The following CADPS variants were observed in gnomAD, a reference collection of about 807,000 sequenced individuals.
CADPS encodes the protein calcium dependent secretion activator, also known as calcium-dependent secretion activator 1.
In CADPS, 57 loss-of-function variants were observed where a neutral mutation model predicts 167.3. That is an observed-to-expected ratio of 0.34 (90% CI 0.28 to 0.42). The LOEUF (loss-of-function observed/expected upper bound fraction) is 0.42, where lower values mean the gene tolerates loss of function less well. Ranked by LOEUF, CADPS falls within the 20% of genes least tolerant of loss-of-function variation. The probability of loss-of-function intolerance (pLI) is 1.00; values close to 1 mark genes in which losing one functional copy is unlikely to be tolerated. For missense variants in CADPS, 1,414 were observed against 1,738.1 expected, an observed-to-expected ratio of 0.81 and a Z score of 3.32; for synonymous variants, 676 against 635.3, an observed-to-expected ratio of 1.06 and a Z score of -0.96.
intron 2 of CADPS, among the ~76,000 whole-genome samples, chr3:62,758,348 G>A (rs1426239301): frequency 2.0e-5 from 3 of 152,152 alleles, no homozygotes; most frequent in Admixed American, 6.6e-5. Flanking sequence ...AGAACATGGA[G>A]GAAAGAGGCC....
At chr3:62,472,816 A>C (rs1349448060) in intron 24 of CADPS, among the ~76,000 whole-genome samples, 1 of 152,236 alleles carries the variant, frequency 6.6e-6, no homozygotes, top group Non-Finnish European at 1.5e-5. Flanking sequence ...GTTTCTGAAC[A>C]CCGAACCCAG....
chr3:62,432,642 C>T (rs1341425129), intron 28 of CADPS, among the ~76,000 whole-genome samples: 1 of 152,172 alleles, frequency 6.6e-6, no homozygotes, highest in Non-Finnish European at 1.5e-5. Context: ...GTGGCTAACA[C>T]TTACCAATGC....
At chr3:62,646,360 C>G (rs1182245781) in intron 5 of CADPS, among the ~76,000 whole-genome samples, 2 of 151,418 alleles carry the variant, frequency 1.3e-5, no homozygotes, top group Non-Finnish European at 2.9e-5. Flanking sequence ...TTAGTAGAGA[C>G]AGAGTTTTAT....
chr3:62,840,287 AC>A (rs1279249690), intron 1 of CADPS, among the ~76,000 whole-genome samples: 2 of 152,208 alleles, frequency 1.3e-5, no homozygotes, highest in East Asian at 3.8e-4. Context: ...ATGAAACATC[AC>A]ATTCTTTCTG....
chr3:62,832,485 A>C (rs967574282), intron 1 of CADPS, among the ~76,000 whole-genome samples: 1 of 152,222 alleles, frequency 6.6e-6, no homozygotes, highest in East Asian at 1.9e-4. Flanking sequence ...CCACTGCATT[A>C]GACAGCATAA....
At chr3:62,748,344 CAAAAAAAAAAAA>C (rs60942307) in intron 3 of CADPS, among the ~76,000 whole-genome samples, 41 of 48,496 alleles carry the variant, frequency 8.5e-4, no homozygotes, top group Admixed American at 5.0e-3. Flanking sequence ...GACTCCGTCT[CAAAAAAAAAAAA>C]AAAAAAAAAA....
At chr3:62,407,135 A>ACATCATCATCAT (rs79885636) in intron 28 of CADPS, among the ~76,000 whole-genome samples, 134 of 151,226 alleles carry the variant, frequency 8.9e-4, no homozygotes, top group Non-Finnish European at 1.5e-3. Context: ...ACTGCAATCA[A>ACATCATCATCAT]CATCATCATC....
At chr3:62,664,773 C>T (rs1325712199) in intron 3 of CADPS, among the ~76,000 whole-genome samples, 1 of 152,138 alleles carries the variant, frequency 6.6e-6, no homozygotes, top group Non-Finnish European at 1.5e-5. Flanking sequence ...AAATACAGCC[C>T]AACAGAACCA....
intron 6 of CADPS, among the ~76,000 whole-genome samples, chr3:62,643,187 G>A (rs997777521): frequency 6.6e-6 from 1 of 152,148 alleles, no homozygotes; most frequent in Non-Finnish European, 1.5e-5. Context: ...ATCCCTTTGG[G>A]ATACTATAGA....
chr3:62,586,509 GA>G (rs959314062), intron 7 of CADPS, among the ~76,000 whole-genome samples: 4 of 151,462 alleles, frequency 2.6e-5, no homozygotes, highest in Admixed American at 6.6e-5. Flanking sequence ...GGCCATGGCA[GA>G]AAAAAAAATC....
rs2083254277 is a variant in CADPS, at chr3:62,874,364, C to T, written c.441+225G>A. Reference sequence around the variant, plus strand: ...GGCTCGAGCAAGCGGCGCTGCGCTCCGCGGCCCTCGCCGGTCCCAGTCAGC... The same window carrying T: ...GGCTCGAGCAAGCGGCGCTGCGCTCTGCGGCCCTCGCCGGTCCCAGTCAGC... On this transcript the variant is annotated intron_variant, in intron 1 of 29. Coordinates refer to ENST00000383710, the MANE Select transcript of CADPS (RefSeq NM_003716.4). This position sits in a 1 kb window ranked among gnomAD's most constrained non-coding sequence, Gnocchi z 7.1. Among the ~76,000 whole-genome samples the T allele has an allele frequency of 6.6e-6, 1 of 152,168 alleles. No homozygotes were observed. The highest frequency in any genetic ancestry group is 2.1e-4 in the South Asian group (1 of 4,838).
At chr3:62,762,710 A>C (rs906446698) in intron 2 of CADPS, among the ~76,000 whole-genome samples, 1 of 151,896 alleles carries the variant, frequency 6.6e-6, no homozygotes, top group Non-Finnish European at 1.5e-5. Context: ...GTTATATGCA[A>C]ACACTATGCT....
At chr3:62,726,932 A>G (rs2076856270) in intron 3 of CADPS, among the ~76,000 whole-genome samples, 1 of 151,922 alleles carries the variant, frequency 6.6e-6, no homozygotes, top group South Asian at 2.1e-4. Flanking sequence ...CTCTTTAAAA[A>G]GAAGTCATTG....
intron 14 of CADPS, among the ~76,000 whole-genome samples, chr3:62,517,619 C>T (rs1032300536): frequency 6.6e-6 from 1 of 152,154 alleles, no homozygotes. Flanking sequence ...CTAATGTGCT[C>T]CAAGGGAGAA....
chr3:62,790,142 T>C (rs1160278450), intron 1 of CADPS, among the ~76,000 whole-genome samples: 1 of 152,194 alleles, frequency 6.6e-6, no homozygotes, highest in African/African-American at 2.4e-5. Context: ...AGAAATGATT[T>C]AGAATTTTAT....
intron 24 of CADPS, chr3:62,470,697 A>G (rs2060485043): frequency 6.6e-6 from 1 of 152,196 alleles, no homozygotes; most frequent in African/African-American, 2.4e-5. Flanking sequence ...CTCAGATTCA[A>G]TTATACTAAG....
intron 9 of CADPS, among the ~76,000 whole-genome samples, chr3:62,570,280 A>T (rs1406475630): frequency 6.6e-6 from 1 of 152,040 alleles, no homozygotes; most frequent in African/African-American, 2.4e-5. Flanking sequence ...TTTATCCTAG[A>T]TATTAAACAT....
At chr3:62,526,190 T>C (rs2072165958) in intron 13 of CADPS, among the ~76,000 whole-genome samples, 1 of 152,146 alleles carries the variant, frequency 6.6e-6, no homozygotes, top group Admixed American at 6.6e-5. Flanking sequence ...AGGGATCACA[T>C]GGTCTCTGAA....
rs1368404322 is a variant in CADPS at position 62,478,534 on chromosome 3, G to A, written c.3174-118C>T. 5.4e-6 allele frequency: 5 copies of A among 923,308 alleles called. No homozygotes were observed. The highest frequency in any genetic ancestry group is 3.3e-5 in the South Asian group (2 of 60,832). The allele number at this position is 923,308 out of a possible 1,614,324, so 57.2% of individuals were successfully genotyped here. A position where few individuals can be genotyped will look rare whatever the true frequency, so the allele number is the denominator to read the frequency against. ...CAGCAGCTTCAACATACAAAACAAC[G>A]TGTGTTGGCGGTGGAGGCGGGGGCG... On this transcript the variant is annotated intron_variant, in intron 22 of 29. Coordinates refer to ENST00000383710, the MANE Select transcript of CADPS (RefSeq NM_003716.4). This position sits in a 1 kb window ranked among gnomAD's most constrained non-coding sequence, Gnocchi z 5.7.
Sources: allele counts gnomAD v4.1 joint callset (sites outside exome capture counted in the v4.1 genomes callset), GRCh38; gene constraint gnomAD v4.1.1; non-coding constraint Gnocchi (gnomAD v3.1); transcripts MANE v1.5; gene names NCBI Gene and HGNC (gene_info 2026-07-23, HGNC 2026-07-21).